The following TIMP2 variants were observed in gnomAD, a reference collection of about 807,000 sequenced individuals.
TIMP2 encodes metalloproteinase inhibitor 2.
TIMP2 carries 5 observed loss-of-function variants against 24.3 expected under a neutral mutation model. The ratio of observed to expected loss-of-function variants is 0.21; its 90% CI spans 0.11 to 0.43. The LOEUF is 0.43. Among genes scored for constraint, TIMP2 ranks in the 20% least tolerant of loss-of-function variants. The pLI, the probability that TIMP2 is intolerant of heterozygous loss-of-function variation, is 1.00. For missense variants in TIMP2, 221 were observed against 297.5 expected (o/e 0.74, Z 1.89); for synonymous variants, 130 against 123.2 (o/e 1.06, Z -0.37).
chr17:78,886,508 T>C (rs1051097425), intron 1 of TIMP2, among the ~76,000 whole-genome samples: 1 of 151,920 alleles, frequency 6.6e-6, no homozygotes, highest in East Asian at 1.9e-4. Flanking sequence ...GTGCAAAAAA[T>C]AGCTGGGCAC....
chr17:78,890,780 G>C (rs553520865), intron 1 of TIMP2: 1 of 1,550,614 alleles, frequency 6.4e-7, no homozygotes. Flanking sequence ...GCTGGTGCCC[G>C]ATGGGGAAGT....
At chr17:78,908,829 C>CCTCA (rs1474906581) in intron 1 of TIMP2, among the ~76,000 whole-genome samples, 2 of 152,232 alleles carry the variant, frequency 1.3e-5, no homozygotes, top group Non-Finnish European at 2.9e-5. Context: ...GTGGACAAGA[C>CCTCA]CTCACAAGGG....
rs2070300916 is a variant in TIMP2, at chr17:78,920,468, T to C, written c.130+4491A>G. On this transcript the variant is annotated intron_variant, in intron 1 of 4. Transcript: ENST00000262768. The surrounding 1 kb of genome is among the most constrained non-coding windows in gnomAD (Gnocchi z 4.5). ...AGAGAGCTCCTTCCAGCACCTGCCATACCTCCAGGCTGTGCACAGCTCTCC... is the reference window on the plus strand; with the variant it reads ...AGAGAGCTCCTTCCAGCACCTGCCACACCTCCAGGCTGTGCACAGCTCTCC... 3.3e-5 allele frequency among the ~76,000 whole-genome samples: 5 copies of C among 152,078 alleles called. No homozygotes were observed. Among genetic ancestry groups the C allele is most frequent in the Admixed American group, 3.3e-4 (5 of 15,262 alleles).
rs1203591097 is a variant in TIMP2 at position 78,925,320 on chromosome 17, T to TGGG, written c.-235_-233dup. ...CAATTCGCCGGGCGGGGCGGCGGGG[T>TGGG]GGGGGGCGGCGGGCGAGCGGCGCTG... On this transcript the variant is annotated 5_prime_UTR_variant, in exon 1 of 5. Transcript: ENST00000262768. 2 of 19,022 alleles carry TGGG rather than the reference T, an allele frequency of 1.1e-4. No individual in the cohort carries two copies. Among genetic ancestry groups the TGGG allele is most frequent in the Admixed American group, 5.1e-4 (1 of 1,972 alleles). 1.2% of individuals were successfully genotyped at this position (19,022 alleles called of 1,614,324 possible).
rs71161632 is a variant in TIMP2, at chr17:78,854,921, C to CGGGGGGGGGGGGGGGGGGGGGGGGGG, written c.*745_*746insCCCCCCCCCCCCCCCCCCCCCCCCCC. 7 of 39,086 alleles carry CGGGGGGGGGGGGGGGGGGGGGGGGGG rather than the reference C, an allele frequency of 1.8e-4. No individual in the cohort carries two copies. The highest frequency in any genetic ancestry group is 3.9e-4 in the African/African-American group (4 of 10,256). The allele number at this position is 39,086 out of a possible 1,614,324, so 2.4% of individuals were successfully genotyped here. A position where few individuals can be genotyped will look rare whatever the true frequency, so the allele number is the denominator to read the frequency against. ...TCCTGCAAGCTGGGGAGCATGTGGG[C>CGGGGGGGGGGGGGGGGGGGGGGGGGG]GGGGGGGGGGGGGTGGGGGGGTGGG... On this transcript the variant is annotated 3_prime_UTR_variant, in exon 5 of 5. Coordinates refer to ENST00000262768, the MANE Select transcript of TIMP2 (RefSeq NM_003255.5).
At chr17:78,880,133 G>A (rs2069766504) in intron 1 of TIMP2, among the ~76,000 whole-genome samples, 1 of 152,116 alleles carries the variant, frequency 6.6e-6, no homozygotes, top group African/African-American at 2.4e-5. Context: ...CCGGAGGGGC[G>A]GCACTCTCCA....
intron 1 of TIMP2, chr17:78,892,317 T>C (rs1394734170): frequency 6.4e-7 from 1 of 1,550,700 alleles, no homozygotes. Context: ...CTCAGCCACA[T>C]GGCTCCATCC....
intron 1 of TIMP2, chr17:78,892,449 C>T (rs1235568538): frequency 1.9e-6 from 3 of 1,547,544 alleles, no homozygotes; most frequent in Non-Finnish European, 2.6e-6. Flanking sequence ...CCACAACGTT[C>T]CACAGCAAAC....
In TIMP2 at chr17:78,920,409, T is replaced by G. The variant is rs1475001666; in HGVS notation, c.130+4550A>C. 1.3e-5 allele frequency among the ~76,000 whole-genome samples: 2 copies of G among 152,118 alleles called. No individual in the cohort carries two copies. The highest frequency in any genetic ancestry group is 4.1e-4 in the South Asian group (2 of 4,824). ...AGAGGCTCTGAGGCTGGCACTGTCCTCAGATCCCAGATAGGGAGAAACGTG... is the reference window on the plus strand; with the variant it reads ...AGAGGCTCTGAGGCTGGCACTGTCCGCAGATCCCAGATAGGGAGAAACGTG... On this transcript the variant is annotated intron_variant, in intron 1 of 4. Coordinates refer to ENST00000262768, the MANE Select transcript of TIMP2 (RefSeq NM_003255.5). This position sits in a 1 kb window ranked among gnomAD's most constrained non-coding sequence, Gnocchi z 4.5.
rs2069513445 is a variant in TIMP2, at chr17:78,854,946, G to GGGGC, written c.*720_*721insGCCC. On this transcript the variant is annotated 3_prime_UTR_variant, in exon 5 of 5. Coordinates refer to ENST00000262768, the MANE Select transcript of TIMP2 (RefSeq NM_003255.5). ...CGGGGGGGGGGGGGTGGGGGGGTGG[G>GGGGC]TGCAGACCAAAAAGACTCAGCTGAG... 1 of 56,378 alleles carries GGGGC rather than the reference G, an allele frequency of 1.8e-5. No homozygotes were observed. The highest frequency in any genetic ancestry group is 3.7e-5 in the Non-Finnish European group (1 of 27,076). 3.5% of individuals were successfully genotyped at this position (56,378 alleles called of 1,614,324 possible).
At chr17:78,905,829 A>G (rs927535320) in intron 1 of TIMP2, among the ~76,000 whole-genome samples, 2 of 152,366 alleles carry the variant, frequency 1.3e-5, no homozygotes, top group African/African-American at 4.8e-5. Flanking sequence ...GTTGACTGCA[A>G]TTAGAACCAC....
intron 1 of TIMP2, among the ~76,000 whole-genome samples, chr17:78,875,190 T>C (rs2069718676): frequency 6.6e-6 from 1 of 152,132 alleles, no homozygotes; most frequent in Admixed American, 6.5e-5. Context: ...GGTGATTCTT[T>C]ACAGTAACAC....
At chr17:78,892,408 G>C in intron 1 of TIMP2, 1 of 1,550,536 alleles carries the variant, frequency 6.4e-7, no homozygotes, top group Non-Finnish European at 8.7e-7. Flanking sequence ...AGGGTTCAAG[G>C]GGCGCCCCCG....
At chr17:78,883,736 C>A (rs2069799468) in intron 1 of TIMP2, among the ~76,000 whole-genome samples, 1 of 152,068 alleles carries the variant, frequency 6.6e-6, no homozygotes, top group South Asian at 2.1e-4. Flanking sequence ...GTTTTGGCTC[C>A]TCTTGGGAAA....
intron 3 of TIMP2, among the ~76,000 whole-genome samples, chr17:78,858,071 C>G (rs2069539258): frequency 6.7e-6 from 1 of 150,318 alleles, no homozygotes; most frequent in Non-Finnish European, 1.5e-5. Context: ...GACTCCGTCT[C>G]AAAAAAATAA....
chr17:78,892,395 T>TGGA (rs2069915083), intron 1 of TIMP2: 1 of 1,548,904 alleles, frequency 6.5e-7, no homozygotes, highest in Non-Finnish European at 8.7e-7. Context: ...GAGCCAAGAG[T>TGGA]GGAGGGTTCA....
Position 78,872,174 on chromosome 17 carries a change from A to G in TIMP2, c.232-1168T>C, listed in dbSNP as rs9900230. The stretch of plus-strand genomic sequence containing the variant: ...TGGCTTTTTTTTTTTTTTAATTAGC[A>G]GAGACGAGGTCTCGCTCTATTACCC... On this transcript the variant is annotated intron_variant, in intron 2 of 4. Transcript: ENST00000262768. Among the ~76,000 whole-genome samples the G allele has an allele frequency of 1.3e-3, 195 of 150,338 alleles. 1 individual carries two copies. The highest frequency in any genetic ancestry group is 4.1e-3 in the African/African-American group (166 of 40,848).
At chr17:78,876,373 A>G (rs988359404) in intron 1 of TIMP2, among the ~76,000 whole-genome samples, 3 of 151,780 alleles carry the variant, frequency 2.0e-5, no homozygotes, top group African/African-American at 7.3e-5. Context: ...TTTTTTAGAC[A>G]GAGTCTTGCT....
chr17:78,884,865 A>C (rs1025994153), intron 1 of TIMP2, among the ~76,000 whole-genome samples: 3 of 152,196 alleles, frequency 2.0e-5, no homozygotes, highest in Admixed American at 2.0e-4. Flanking sequence ...CTTTTGTCTT[A>C]TGTGTCGGAG....
Sources: allele counts gnomAD v4.1 joint callset (sites outside exome capture counted in the v4.1 genomes callset), GRCh38; gene constraint gnomAD v4.1.1; non-coding constraint Gnocchi (gnomAD v3.1); transcripts MANE v1.5; gene names NCBI Gene and HGNC (gene_info 2026-07-23, HGNC 2026-07-21).